Variants in CSMD1 observed in about 807,000 individuals in gnomAD.
CSMD1 encodes the protein CUB and sushi domain-containing protein 1.
A neutral mutation model predicts 417.5 loss-of-function variants in CSMD1; 213 were observed. The observed-to-expected ratio is 0.51, with a 90% confidence interval of 0.46 to 0.57. CSMD1 has a LOEUF of 0.57. CSMD1 is among the 20% of genes least tolerant of loss of function. CSMD1 has a pLI of 0.00. For synonymous variants in CSMD1, 2,862 were observed against 1,736.8 expected (o/e 1.65, Z -16.11); for missense variants, 6,923 against 4,529.7 (o/e 1.53, Z -15.17).
intron 5 of CSMD1, among the ~76,000 whole-genome samples, chr8:3,840,693 A>AT (rs34360211): frequency 0.2 from 26,331 of 134,728 alleles, 2,673 homozygotes; most frequent in South Asian, 0.28. Flanking sequence ...CTTTTTTTTA[A>AT]TTTTTTTTTT....
At chr8:4,677,199 T>C (rs1043107368) in intron 1 of CSMD1, among the ~76,000 whole-genome samples, 2 of 150,654 alleles carry the variant, frequency 1.3e-5, no homozygotes, top group Non-Finnish European at 3.0e-5. Flanking sequence ...TAACTATACA[T>C]AATAGTTCTT....
chr8:3,210,598 G>C (rs1364736895), intron 30 of CSMD1, among the ~76,000 whole-genome samples: 1 of 145,068 alleles, frequency 6.9e-6, no homozygotes, highest in East Asian at 2.0e-4. Flanking sequence ...TAATATATAG[G>C]TGTGTGTATA....
At chr8:3,102,822 C>G (rs1815856952) in intron 46 of CSMD1, among the ~76,000 whole-genome samples, 1 of 152,134 alleles carries the variant, frequency 6.6e-6, no homozygotes, top group African/African-American at 2.4e-5. Flanking sequence ...TGGAAGGTAA[C>G]AAAGAGTTTT....
At chr8:4,737,552 T>C (rs751551109) in intron 1 of CSMD1, among the ~76,000 whole-genome samples, 17 of 152,192 alleles carry the variant, frequency 1.1e-4, no homozygotes, top group Non-Finnish European at 1.9e-4. Context: ...ATTTCCCTTA[T>C]AGACACGGAA....
At chr8:3,378,111 G>C (rs371982666) in intron 18 of CSMD1, among the ~76,000 whole-genome samples, 137 of 152,258 alleles carry the variant, frequency 9.0e-4, no homozygotes, top group African/African-American at 3.2e-3. Flanking sequence ...TTGATTGTTG[G>C]TAAGAAGAGA....
chr8:3,726,624 T>A (rs1183499703), intron 6 of CSMD1, among the ~76,000 whole-genome samples: 1 of 152,160 alleles, frequency 6.6e-6, no homozygotes, highest in African/African-American at 2.4e-5. Context: ...CGAGGGTAGG[T>A]ACATCAATCC....
At chr8:3,144,417 G>A (rs564896498) in intron 40 of CSMD1, among the ~76,000 whole-genome samples, 1 of 152,180 alleles carries the variant, frequency 6.6e-6, no homozygotes, top group East Asian at 1.9e-4. Flanking sequence ...AAAAACTGCA[G>A]GATGTGGCTG....
At chr8:3,426,219 T>C (rs567792756) in intron 12 of CSMD1, among the ~76,000 whole-genome samples, 1 of 152,342 alleles carries the variant, frequency 6.6e-6, no homozygotes, top group African/African-American at 2.4e-5. Flanking sequence ...CAGGATTTCA[T>C]TCTCAGTAAT....
At chr8:2,960,840 A>C (rs1308692180) in intron 62 of CSMD1, among the ~76,000 whole-genome samples, 3 of 151,570 alleles carry the variant, frequency 2.0e-5, no homozygotes, top group Non-Finnish European at 2.9e-5. Flanking sequence ...CAGACAAATA[A>C]TAGAATCATG....
intron 7 of CSMD1, among the ~76,000 whole-genome samples, chr8:3,684,058 T>C (rs959408597): frequency 2.7e-5 from 4 of 149,430 alleles, no homozygotes; most frequent in African/African-American, 9.8e-5. Context: ...AATGTAGTGA[T>C]AGTTACTCTA....
At chr8:4,022,960 G>C (rs539760354) in intron 4 of CSMD1, among the ~76,000 whole-genome samples, 17 of 152,200 alleles carry the variant, frequency 1.1e-4, no homozygotes, top group Non-Finnish European at 1.0e-4. Flanking sequence ...TTCAAAATTT[G>C]AGGGCAAATA....
intron 5 of CSMD1, among the ~76,000 whole-genome samples, chr8:3,966,483 T>C (rs942330651): frequency 6.6e-6 from 1 of 152,156 alleles, no homozygotes; most frequent in African/African-American, 2.4e-5. Flanking sequence ...TTCTGTTATT[T>C]ATTTATTGGG....
chr8:3,257,993 C>G (rs949691242), intron 26 of CSMD1, among the ~76,000 whole-genome samples: 1 of 152,112 alleles, frequency 6.6e-6, no homozygotes, highest in Non-Finnish European at 1.5e-5. Flanking sequence ...AAGGCTATTG[C>G]AGGGGCACGG....
At chr8:4,440,543 T>A (rs1233678131) in intron 2 of CSMD1, among the ~76,000 whole-genome samples, 15 of 152,324 alleles carry the variant, frequency 9.8e-5, no homozygotes, top group East Asian at 3.9e-4. Flanking sequence ...ATAACATTGC[T>A]GACATGCATA....
intron 3 of CSMD1, among the ~76,000 whole-genome samples, chr8:4,130,723 T>C (rs931518219): frequency 8.3e-6 from 1 of 121,186 alleles, no homozygotes; most frequent in Non-Finnish European, 1.8e-5. Flanking sequence ...CATGAAAGTA[T>C]TTTGTCTATC....
At chr8:3,934,217 T>C (rs1318180458) in intron 5 of CSMD1, among the ~76,000 whole-genome samples, 2 of 152,224 alleles carry the variant, frequency 1.3e-5, no homozygotes, top group African/African-American at 4.8e-5. Flanking sequence ...CACTCCTACC[T>C]AATCAATGAT....
intron 4 of CSMD1, among the ~76,000 whole-genome samples, chr8:4,020,882 C>A (rs959987712): frequency 1.3e-5 from 2 of 152,230 alleles, no homozygotes; most frequent in South Asian, 2.1e-4. Context: ...TATTTTTGGT[C>A]CTACTCAGCT....
chr8:3,029,319 C>A lies in CSMD1; in HGVS notation c.7855G>T (p.Val2619Phe). 6.2e-7 allele frequency: 1 copy of A among 1,602,104 alleles called. No homozygotes were observed. Among genetic ancestry groups the A allele is most frequent in the South Asian group, 1.1e-5 (1 of 89,604 alleles). Residue 2619 changes from valine to phenylalanine, a missense_variant and splice_region_variant, in exon 51 of 70, where the codon GTT (valine) becomes TTT (phenylalanine). Coordinates refer to ENST00000635120, the MANE Select transcript of CSMD1 (RefSeq NM_033225.6). ...NIGDERPSCR[V>F]ISCGSLSFPP... Reference sequence around the variant, plus strand: ...CAGGGGTGCCTCCCTCATCACTTACCTCGACAGCTTGGCCTCTCATCTCCT... The same window carrying A: ...CAGGGGTGCCTCCCTCATCACTTACATCGACAGCTTGGCCTCTCATCTCCT...
intron 1 of CSMD1, among the ~76,000 whole-genome samples, chr8:4,741,154 T>A (rs1810577979): frequency 6.6e-6 from 1 of 152,182 alleles, no homozygotes; most frequent in African/African-American, 2.4e-5. Flanking sequence ...CCCTTCTTTT[T>A]CAAGCACACT....
Sources: gnomAD v4.1 joint callset for allele counts (sites outside exome capture counted in the v4.1 genomes callset) on GRCh38, gnomAD v4.1.1 for gene constraint, MANE v1.5 for transcripts, NCBI Gene and HGNC (gene_info 2026-07-23, HGNC 2026-07-21) for gene names.